The following CAPN2 variants were observed in gnomAD, a reference collection of about 807,000 sequenced individuals.
CAPN2 encodes the protein calpain 2, also known as calpain-2 catalytic subunit.
In CAPN2, 92 loss-of-function variants were observed where a neutral mutation model predicts 102.3. That is an observed-to-expected ratio of 0.90 (90% CI 0.76 to 1.07). CAPN2 has a LOEUF of 1.07. Among genes scored for constraint, CAPN2 ranks in the 50% least tolerant of loss-of-function variants. CAPN2 has a pLI of 0.00. For synonymous variants in CAPN2, 340 were observed against 355.4 expected, an observed-to-expected ratio of 0.96 and a Z score of 0.49; for missense variants, 800 against 909.4, an observed-to-expected ratio of 0.88 and a Z score of 1.55.
rs1661118618 is a variant in CAPN2 at position 223,759,147 on chromosome 1, T to TA, written c.1318-122dup. Reference sequence around the variant, plus strand: ...TCTGACGCCTGGCCTCGCCTCCTTATACACCAGGACAGCAGGACTGAGCCA... The same window carrying TA: ...TCTGACGCCTGGCCTCGCCTCCTTATAACACCAGGACAGCAGGACTGAGCCA... On this transcript the variant is annotated intron_variant, in intron 11 of 20. Transcript: ENST00000295006. This position sits in a 1 kb window ranked among gnomAD's most constrained non-coding sequence, Gnocchi z 4.6. 1.1e-6 allele frequency: 1 copy of TA among 905,794 alleles called. No individual in the cohort carries two copies. The highest frequency in any genetic ancestry group is 1.6e-5 in the African/African-American group (1 of 60,754). The allele number at this position is 905,794 out of a possible 1,614,324, so 56.1% of individuals were successfully genotyped here.
Position 223,766,159 on chromosome 1 carries a change from G to A in CAPN2, c.1691-208G>A, listed in dbSNP as rs28370146. On this transcript the variant is annotated intron_variant, in intron 15 of 20. Coordinates refer to ENST00000295006, the MANE Select transcript of CAPN2 (RefSeq NM_001748.5). The stretch of plus-strand genomic sequence containing the variant: ...ACTTTTTAAAGCCCTGTTTGCCCAC[G>A]GCAAATATACAGAGACATCAGGACA... 0.058 allele frequency among the ~76,000 whole-genome samples: 8,799 copies of A among 152,180 alleles called. 373 individuals carry two copies. Among genetic ancestry groups the A allele is most frequent in the Middle Eastern group, 0.18 (52 of 294 alleles).
At chr1:223,753,879 T>C (rs1298980358) in intron 9 of CAPN2, among the ~76,000 whole-genome samples, 2 of 152,228 alleles carry the variant, frequency 1.3e-5, no homozygotes, top group East Asian at 1.9e-4. Flanking sequence ...AGATATGTTA[T>C]GTATATACAA....
intron 6 of CAPN2, 87 bp downstream of exon 6, chr1:223,749,209 G>A (rs1660826405): frequency 2.5e-6 from 3 of 1,199,516 alleles, no homozygotes; most frequent in South Asian, 1.3e-5. Flanking sequence ...AGGGGCCCGC[G>A]CGGCCCCACG....
intron 2 of CAPN2, among the ~76,000 whole-genome samples, chr1:223,732,677 C>T (rs539721902): frequency 6.6e-6 from 1 of 152,362 alleles, no homozygotes; most frequent in Admixed American, 6.5e-5. Flanking sequence ...TCTGGGAATG[C>T]AGCCCAGTAG....
In CAPN2 at chr1:223,774,843, T is replaced by G; in HGVS notation, c.2089T>G (p.Phe697Val). Residue 697 changes from phenylalanine to valine, a missense_variant, in exon 21 of 21, where the codon TTC (phenylalanine) becomes GTC (valine). Transcript: ENST00000295006. ...IELDLISWLC[F>V]SVL ...TTTTCCTTCCTCACAGTGGCTCTGT[T>G]TCTCAGTACTTTGAAGTTATAACTA... The G allele has an allele frequency of 6.2e-7, 1 of 1,613,666 alleles. No individual in the cohort carries two copies. Among genetic ancestry groups the G allele is most frequent in the Non-Finnish European group, 8.5e-7 (1 of 1,179,816 alleles).
chr1:223,740,368 G>A (rs1231630264), intron 2 of CAPN2, among the ~76,000 whole-genome samples: 4 of 152,200 alleles, frequency 2.6e-5, no homozygotes, highest in Admixed American at 1.3e-4. Flanking sequence ...TGCCACGAGA[G>A]TACACCAAAC....
intron 15 of CAPN2, among the ~76,000 whole-genome samples, chr1:223,765,085 A>C (rs1661277832): frequency 6.6e-6 from 1 of 152,246 alleles, no homozygotes; most frequent in African/African-American, 2.4e-5. Context: ...TGAACATATC[A>C]GAAGTTAGGA....
intron 2 of CAPN2, among the ~76,000 whole-genome samples, chr1:223,737,925 A>C (rs1222142): frequency 6.6e-6 from 1 of 151,882 alleles, no homozygotes; most frequent in African/African-American, 2.4e-5. Flanking sequence ...CTGTGCCCCC[A>C]GGGGAGCACA....
intron 2 of CAPN2, among the ~76,000 whole-genome samples, chr1:223,733,289 G>C (rs958360890): frequency 2.0e-5 from 3 of 152,116 alleles, no homozygotes; most frequent in Middle Eastern, 3.2e-3. Context: ...AGGAGAAAAT[G>C]CAGAGCAAAT....
intron 20 of CAPN2, 140 bp downstream of exon 20, chr1:223,772,379 G>C: frequency 4.7e-6 from 3 of 643,204 alleles, no homozygotes; most frequent in East Asian, 2.7e-5. Context: ...GTAACCGGTT[G>C]TAAGATCCCA....
chr1:223,758,347 T>C (rs939308487), intron 11 of CAPN2: 1 of 152,220 alleles, frequency 6.6e-6, no homozygotes, highest in Admixed American at 6.5e-5. Context: ...CTGTAGTACA[T>C]TTCTTTCACA....
intron 2 of CAPN2, among the ~76,000 whole-genome samples, chr1:223,742,656 A>T (rs1008897242): frequency 6.6e-6 from 1 of 151,110 alleles, no homozygotes; most frequent in African/African-American, 2.4e-5. Flanking sequence ...AGTAGCTGGG[A>T]CTACAGGTGT....
intron 3 of CAPN2, 129 bp from the exon 4 acceptor site, chr1:223,745,177 C>T: frequency 1.6e-6 from 2 of 1,220,862 alleles, no homozygotes; most frequent in Non-Finnish European, 1.2e-6. Context: ...TAAGGGAGCA[C>T]CTCCTCCCAG....
intron 1 of CAPN2, among the ~76,000 whole-genome samples, chr1:223,705,631 G>C (rs115741500): frequency 6.6e-6 from 1 of 152,134 alleles, no homozygotes; most frequent in Admixed American, 6.5e-5. Flanking sequence ...AATTATGGAC[G>C]GGGCCAACTC....
In CAPN2 at chr1:223,759,361, A is replaced by G; in HGVS notation, c.1409A>G (p.Glu470Gly). ...ERSDTFINLR[E>G]VLNRFKLPPG... is the part of the protein sequence containing the mutation. The stretch of plus-strand genomic sequence containing the variant: ...TCAGACACCTTCATCAACCTCCGGG[A>G]GGTGCTCAACCGCTTCAAGCTGCCG... The change falls in exon 12 of 21, where the codon GAG becomes GGG. Residue 470 changes from glutamate to glycine, a missense_variant. Physicochemically the swap from Glu to Gly is moderately conservative, Grantham distance 98. Transcript: ENST00000295006. This position sits in a 1 kb window ranked among gnomAD's most constrained non-coding sequence, Gnocchi z 4.6. 2 of 1,614,198 alleles carry G rather than the reference A, an allele frequency of 1.2e-6. No homozygotes were observed. The highest frequency in any genetic ancestry group is 1.7e-6 in the Non-Finnish European group (2 of 1,180,034).
chr1:223,765,320 G>T (rs188474175), intron 15 of CAPN2, among the ~76,000 whole-genome samples: 3 of 152,158 alleles, frequency 2.0e-5, no homozygotes, highest in Non-Finnish European at 2.9e-5. Context: ...GGCCAGTCAG[G>T]TTACGGTCAG....
chr1:223,703,859 T>A (rs1188969477), intron 1 of CAPN2, among the ~76,000 whole-genome samples: 1 of 152,200 alleles, frequency 6.6e-6, no homozygotes, highest in Non-Finnish European at 1.5e-5. Context: ...ATACACATTA[T>A]AACTCATCAA....
chr1:223,755,554 G>A lies in CAPN2; in HGVS notation c.1210G>A (p.Gly404Ser), dbSNP rs537243531. 1.8e-5 allele frequency: 29 copies of A among 1,614,058 alleles called. No individual in the cohort carries two copies. The South Asian group carries it at 2.4e-4, about 13-fold the overall frequency. ...TGAGGACGAGGAGGATGGGGAGAGC[G>A]GCTGCACCTTCCTGGTGGGGCTCAT... ...EDEDEEDGES[G>S]CTFLVGLIQK... is the part of the protein sequence containing the mutation. The change falls in exon 10 of 21, where the codon GGC (glycine) becomes AGC (serine). Residue 404 changes from glycine (G) to serine (S), a missense_variant. Physicochemically the swap from Gly to Ser is moderately conservative, Grantham distance 56 (BLOSUM62 0). Coordinates refer to ENST00000295006, the MANE Select transcript of CAPN2 (RefSeq NM_001748.5). This position sits in a 1 kb window ranked among gnomAD's most constrained non-coding sequence, Gnocchi z 4.1.
In CAPN2 at chr1:223,725,474, T is replaced by C. The variant is rs1331626740; in HGVS notation, c.307+7643T>C. On this transcript the variant is annotated intron_variant, in intron 2 of 20. Transcript: ENST00000295006. The surrounding 1 kb of genome is among the most constrained non-coding windows in gnomAD (Gnocchi z 4.1). ...GCTCAGAGCTCCAGAGGCTGGTACA[T>C]AGTAAAGGTTTAATCCATGCAGATT... Among the ~76,000 whole-genome samples, 7 of 152,194 alleles carry C rather than the reference T, an allele frequency of 4.6e-5. No individual in the cohort carries two copies. The East Asian group carries it at 1.2e-3, about 25-fold the overall frequency.
Sources: gnomAD v4.1 joint callset for allele counts (sites outside exome capture counted in the v4.1 genomes callset) on GRCh38, gnomAD v4.1.1 for gene constraint, Gnocchi (gnomAD v3.1) non-coding constraint, MANE v1.5 for transcripts, NCBI Gene and HGNC (gene_info 2026-07-23, HGNC 2026-07-21) for gene names.